Variants in HLA-DOA observed in about 807,000 individuals in gnomAD.
HLA-DOA encodes HLA class II histocompatibility antigen, DO alpha chain.
Under a neutral mutation model 22.9 loss-of-function variants are expected in HLA-DOA, and 27 were observed. The ratio of observed to expected loss-of-function variants is 1.18; its 90% CI spans 0.87 to 1.62. The LOEUF (loss-of-function observed/expected upper bound fraction) is 1.62, where lower values mean the gene tolerates loss of function less well. Ranked by LOEUF, HLA-DOA falls within the 40% of genes most tolerant of loss-of-function variation. The pLI, the probability that HLA-DOA is intolerant of heterozygous loss-of-function variation, is 0.00. For missense variants in HLA-DOA, 324 were observed against 332.4 expected (o/e 0.97, Z 0.20); for synonymous variants, 137 against 138.6 (o/e 0.99, Z 0.08).
chr6:33,007,979 C>T (rs530924057), intron 2 of HLA-DOA, 34 bp downstream of exon 2: 341 of 1,594,322 alleles, frequency 2.1e-4, no homozygotes, highest in Middle Eastern at 3.4e-4. Flanking sequence ...TGGACCTTCC[C>T]GCCTGACTGG....
At chr6:33,008,433 G>A in intron 1 of HLA-DOA, 172 bp from the exon 2 acceptor site, 3 of 1,427,612 alleles carry the variant, frequency 2.1e-6, no homozygotes, top group Non-Finnish European at 2.7e-6. Flanking sequence ...GAGAGAACAG[G>A]AAGAAAGAGG....
intron 1 of HLA-DOA, 147 bp from the exon 2 acceptor site, chr6:33,008,408 GGAGA>G: frequency 2.1e-6 from 3 of 1,459,288 alleles, no homozygotes; most frequent in Non-Finnish European, 2.7e-6. Flanking sequence ...GCTGGCCCTG[GGAGA>G]GAGAAAGGGA....
Position 33,006,847 on chromosome 6 carries a change from A to C in HLA-DOA, c.750-6T>G. Reference sequence around the variant, plus strand: ...TCTCTCAGAAGGATCATTACCTAAAATAGCAGAAAACATACGATCGAGGTT... The same window carrying C: ...TCTCTCAGAAGGATCATTACCTAAACTAGCAGAAAACATACGATCGAGGTT... On this transcript the variant is annotated splice_polypyrimidine_tract_variant and splice_region_variant and intron_variant, in intron 4 of 4. Coordinates refer to ENST00000229829, the MANE Select transcript of HLA-DOA (RefSeq NM_002119.4). The C allele has an allele frequency of 1.9e-6, 3 of 1,608,512 alleles. No individual in the cohort carries two copies. Among genetic ancestry groups the C allele is most frequent in the South Asian group, 1.1e-5 (1 of 90,992 alleles).
chr6:33,008,082 C>T lies in HLA-DOA; in HGVS notation c.262G>A (p.Gly88Ser), dbSNP rs774527905. Residue 88 changes from glycine (G) to serine (S), a missense_variant, in exon 2 of 5, where the codon GGC becomes AGC. Physicochemically the swap from Gly to Ser is moderately conservative, Grantham distance 56. Transcript: ENST00000229829. ...AGATGGGCTTTGATTGCGGCGATGC[C>T]GGCCAGCCCGCCCTGCGGGTCAAAG... ...ARFDPQGGLAGIAAIKAHLDI... is the reference protein window; with the variant it reads ...ARFDPQGGLASIAAIKAHLDI... 6 of 1,613,042 alleles carry T rather than the reference C, an allele frequency of 3.7e-6. No individual in the cohort carries two copies. Among genetic ancestry groups the T allele is most frequent in the Admixed American group, 1.7e-5 (1 of 60,030 alleles).
chr6:33,007,048 C>G, intron 4 of HLA-DOA, 32 bp downstream of exon 4: 1 of 1,589,756 alleles, frequency 6.3e-7, no homozygotes, highest in Non-Finnish European at 8.6e-7. Context: ...CACTTTCCTC[C>G]CCCACCCCCC....
At position 33,007,312 on chromosome 6, in the gene HLA-DOA, C is replaced by T. The variant is rs1348172157; in HGVS notation, c.612G>A (p.Trp204Ter). The T allele has an allele frequency of 6.2e-7, 1 of 1,612,968 alleles. No homozygotes were observed. The highest frequency in any genetic ancestry group is 8.5e-7 in the Non-Finnish European group (1 of 1,179,944). Residue 204 changes from tryptophan (W) to a stop codon, truncating the protein, a stop_gained and splice_region_variant, in exon 3 of 5, where the codon TGG becomes TGA. Transcript: ENST00000229829. LOFTEE classifies it high-confidence loss of function. ...WGLDAPLLRH[W>*]ELQVPIPPPD... Reference sequence around the variant, plus strand: ...GTGCATGGGGAGGGGGCTCCGTACCCCAATGCCTGAGGAGTGGCGCATCCA... The same window carrying T: ...GTGCATGGGGAGGGGGCTCCGTACCTCAATGCCTGAGGAGTGGCGCATCCA...
In HLA-DOA at chr6:33,009,320, G is replaced by T; in HGVS notation, c.82+135C>A. On this transcript the variant is annotated intron_variant, in intron 1 of 4. Coordinates refer to ENST00000229829, the MANE Select transcript of HLA-DOA (RefSeq NM_002119.4). This position sits in a 1 kb window ranked among gnomAD's most constrained non-coding sequence, Gnocchi z 4.8. ...GGATGTGACAGAGATGAGGGGGATT[G>T]GGTGTCTCTTGGTGAAGGAAGTTGC... 5.4e-6 allele frequency: 3 copies of T among 560,292 alleles called. No homozygotes were observed. The highest frequency in any genetic ancestry group is 1.9e-5 in the African/African-American group (1 of 51,774). 34.7% of individuals were successfully genotyped at this position (560,292 alleles called of 1,614,324 possible).
chr6:33,008,050 G>C lies in HLA-DOA; in HGVS notation c.294C>G (p.Ile98Met). 6.2e-7 allele frequency: 1 copy of C among 1,613,038 alleles called. No individual in the cohort carries two copies. Among genetic ancestry groups the C allele is most frequent in the Admixed American group, 1.7e-5 (1 of 60,024 alleles). The part of the protein sequence containing the change: ...GIAAIKAHLD[I>M]LVERSNRSRA... Reference sequence around the variant, plus strand: ...TGCTGCGGTTGGAGCGCTCCACCAGGATGTCCAGATGGGCTTTGATTGCGG... The same window carrying C: ...TGCTGCGGTTGGAGCGCTCCACCAGCATGTCCAGATGGGCTTTGATTGCGG... Residue 98 changes from isoleucine (I) to methionine (M), a missense_variant, in exon 2 of 5, where the codon ATC becomes ATG. By Grantham distance (10) the Ile-to-Met change is conservative. Transcript: ENST00000229829.
In HLA-DOA at chr6:33,009,375, A is replaced by G; in HGVS notation, c.82+80T>C. On this transcript the variant is annotated intron_variant, in intron 1 of 4. Coordinates refer to ENST00000229829, the MANE Select transcript of HLA-DOA (RefSeq NM_002119.4). The surrounding 1 kb of genome is among the most constrained non-coding windows in gnomAD (Gnocchi z 4.8). ...AAACCAGAGAGCGAGAGGAACAAGCATCCTCCATGCCACCTCCTCATGTAA... is the reference window on the plus strand; with the variant it reads ...AAACCAGAGAGCGAGAGGAACAAGCGTCCTCCATGCCACCTCCTCATGTAA... The G allele has an allele frequency of 5.1e-6, 5 of 982,866 alleles. No individual in the cohort carries two copies. The highest frequency in any genetic ancestry group is 7.2e-6 in the Non-Finnish European group (5 of 690,322). The allele number at this position is 982,866 out of a possible 1,614,324, so 60.9% of individuals were successfully genotyped here. A position where few individuals can be genotyped will look rare whatever the true frequency, so the allele number is the denominator to read the frequency against.
chr6:33,008,535 G>A (rs1295106545), intron 1 of HLA-DOA: 4 of 792,534 alleles, frequency 5.0e-6, no homozygotes, highest in Admixed American at 4.1e-5. Flanking sequence ...CATGCTTGGG[G>A]TTCCAGAATT....
chr6:33,009,477 C>A lies in HLA-DOA; in HGVS notation c.60G>T (p.Pro20=), dbSNP rs1332788424. The change falls in exon 1 of 5, where the codon CCG becomes CCT. Residue 20 remains proline, a synonymous_variant. Coordinates refer to ENST00000229829, the MANE Select transcript of HLA-DOA (RefSeq NM_002119.4). This position sits in a 1 kb window ranked among gnomAD's most constrained non-coding sequence, Gnocchi z 4.8. ...CACCCTTGGTGGCCCCTGCCTCCTG[C>A]GGGCTCAGGAGGGTCATCAGGGTGT... ...GFHTLMTLLS[P]QEAGATKADH... The A allele has an allele frequency of 1.2e-6, 2 of 1,603,436 alleles. No homozygotes were observed. Among genetic ancestry groups the A allele is most frequent in the Non-Finnish European group, 1.7e-6 (2 of 1,176,816 alleles).
chr6:33,006,724 C>T lies in HLA-DOA; in HGVS notation c.*114G>A. On this transcript the variant is annotated 3_prime_UTR_variant, in exon 5 of 5. Transcript: ENST00000229829. Reference sequence around the variant, plus strand: ...ACCCGTAGGACAGATGTTGATCCCACTCAAAGTCAGCACAGCGGGATGCAC... The same window carrying T: ...ACCCGTAGGACAGATGTTGATCCCATTCAAAGTCAGCACAGCGGGATGCAC... The T allele has an allele frequency of 6.3e-7, 1 of 1,580,784 alleles. No individual in the cohort carries two copies. The highest frequency in any genetic ancestry group is 8.7e-7 in the Non-Finnish European group (1 of 1,151,160).
In HLA-DOA at chr6:33,007,512, T is replaced by A; in HGVS notation, c.412A>T (p.Ile138Phe). Residue 138 changes from isoleucine to phenylalanine, a missense_variant, in exon 3 of 5, where the codon ATC (isoleucine) becomes TTC (phenylalanine). Ile to Phe is a conservative substitution (Grantham distance 21). Coordinates refer to ENST00000229829, the MANE Select transcript of HLA-DOA (RefSeq NM_002119.4). ...GTGATATTGATCACAGGGGGGAAGA[T>A]GTTGTCCACGATGCAGATGAGGATG... ...PNILICIVDN[I>F]FPPVINITWL... 1 of 1,612,980 alleles carries A rather than the reference T, an allele frequency of 6.2e-7. No individual in the cohort carries two copies. The highest frequency in any genetic ancestry group is 8.5e-7 in the Non-Finnish European group (1 of 1,179,984).
In HLA-DOA at chr6:33,007,145, G is replaced by T. The variant is rs1354136154; in HGVS notation, c.684C>A (p.Gly228=). ...TLVCALGLAI[G]LVGFLVGTVL... is the part of the protein sequence containing the mutation. ...CGGTGCCCACGAGGAAGCCCACCAG[G>T]CCGATGGCCAGGCCCAGGGCACAGA... The change falls in exon 4 of 5, where the codon GGC becomes GGA. Residue 228 remains glycine, a synonymous_variant. Coordinates refer to ENST00000229829, the MANE Select transcript of HLA-DOA (RefSeq NM_002119.4). 2.5e-6 allele frequency: 4 copies of T among 1,613,804 alleles called. No homozygotes were observed. The highest frequency in any genetic ancestry group is 3.4e-6 in the Non-Finnish European group (4 of 1,180,026).
chr6:33,008,226 G>T lies in HLA-DOA; in HGVS notation c.118C>A (p.Gln40Lys). Residue 40 changes from glutamine to lysine, a missense_variant, in exon 2 of 5, where the codon CAG (glutamine) becomes AAG (lysine). Transcript: ENST00000229829. ...AACTGGCCCGAGGCGCCGTAAGACT[G>T]GTAGAAGGCGGGTCCGTAGGAGCCC... The part of the protein sequence containing the change: ...HMGSYGPAFY[Q>K]SYGASGQFTH... The T allele has an allele frequency of 6.2e-7, 1 of 1,613,036 alleles. No individual in the cohort carries two copies. Among genetic ancestry groups the T allele is most frequent in the Non-Finnish European group, 8.5e-7 (1 of 1,180,040 alleles).
rs758881602 is a variant in HLA-DOA, at chr6:33,007,487, G to T, written c.437C>A (p.Thr146Asn). Reference sequence around the variant, plus strand: ...GACAGTTTGGCCGTTGCGCAGCCAGGTGATATTGATCACAGGGGGGAAGAT... The same window carrying T: ...GACAGTTTGGCCGTTGCGCAGCCAGTTGATATTGATCACAGGGGGGAAGAT... ...DNIFPPVINITWLRNGQTVTE... is the reference protein window; with the variant it reads ...DNIFPPVININWLRNGQTVTE... The change falls in exon 3 of 5, where the codon ACC (threonine) becomes AAC (asparagine). Residue 146 changes from threonine (T) to asparagine (N), a missense_variant. Thr to Asn is a moderately conservative substitution (Grantham distance 65). Coordinates refer to ENST00000229829, the MANE Select transcript of HLA-DOA (RefSeq NM_002119.4). 7 of 1,612,906 alleles carry T rather than the reference G, an allele frequency of 4.3e-6. No individual in the cohort carries two copies. In the Admixed American group the frequency reaches 1.2e-4, roughly 27 times the overall value.
Position 33,006,689 on chromosome 6 carries a change from A to G in HLA-DOA, c.*149T>C. ...ACCCTGCCATGAATACTGGGGCCAA[A>G]AAAGAGGGGACCCGTAGGACAGATG... On this transcript the variant is annotated 3_prime_UTR_variant, in exon 5 of 5. Coordinates refer to ENST00000229829, the MANE Select transcript of HLA-DOA (RefSeq NM_002119.4). The G allele has an allele frequency of 7.7e-7, 1 of 1,303,712 alleles. No homozygotes were observed. Among genetic ancestry groups the G allele is most frequent in the East Asian group, 2.3e-5 (1 of 43,034 alleles). 80.8% of individuals were successfully genotyped at this position (1,303,712 alleles called of 1,614,324 possible). A position where few individuals can be genotyped will look rare whatever the true frequency, so the allele number is the denominator to read the frequency against.
Position 33,008,055 on chromosome 6 carries a change from C to A in HLA-DOA, c.289G>T (p.Asp97Tyr). 1 of 1,613,018 alleles carries A rather than the reference C, an allele frequency of 6.2e-7. No individual in the cohort carries two copies. The highest frequency in any genetic ancestry group is 8.5e-7 in the Non-Finnish European group (1 of 1,180,036). The change falls in exon 2 of 5, where the codon GAC (aspartate) becomes TAC (tyrosine). Residue 97 changes from aspartate (D) to tyrosine (Y), a missense_variant. Transcript: ENST00000229829. Reference sequence around the variant, plus strand: ...CGGTTGGAGCGCTCCACCAGGATGTCCAGATGGGCTTTGATTGCGGCGATG... The same window carrying A: ...CGGTTGGAGCGCTCCACCAGGATGTACAGATGGGCTTTGATTGCGGCGATG... The part of the protein sequence containing the change: ...AGIAAIKAHL[D>Y]ILVERSNRSR...
chr6:33,007,286 G>T, intron 3 of HLA-DOA, 25 bp downstream of exon 3: 1 of 1,613,168 alleles, frequency 6.2e-7, no homozygotes, highest in Non-Finnish European at 8.5e-7. Flanking sequence ...GGGCCAGGAG[G>T]GTGCATGGGG....
Sources: gnomAD v4.1 joint callset for allele counts on GRCh38, gnomAD v4.1.1 for gene constraint, Gnocchi (gnomAD v3.1) non-coding constraint, MANE v1.5 for transcripts, NCBI Gene and HGNC (gene_info 2026-07-23, HGNC 2026-07-21) for gene names.